The following SOS2 variants were observed in gnomAD, a reference collection of about 807,000 sequenced individuals.
SOS2 encodes son of sevenless homolog 2.
In SOS2, 65 loss-of-function variants were observed where a neutral mutation model predicts 148.2. That is an observed-to-expected ratio of 0.44 (90% confidence interval 0.36 to 0.54). The LOEUF is 0.54. Among genes scored for constraint, SOS2 ranks in the 20% least tolerant of loss-of-function variants. The pLI is 0.00. For synonymous variants in SOS2, 539 were observed against 537.1 expected (o/e 1.00, Z -0.05); for missense variants, 1,341 against 1,590.2 (o/e 0.84, Z 2.67).
At chr14:50,204,167 T>C (rs531809409) in intron 2 of SOS2, 117 bp downstream of exon 2, 90 of 586,934 alleles carry the variant, frequency 1.5e-4, no homozygotes, top group African/African-American at 1.5e-3. Context: ...ACTGACCATA[T>C]ATATCATACA....
chr14:50,194,838 C>T (rs111763768), intron 4 of SOS2, among the ~76,000 whole-genome samples: 5 of 149,750 alleles, frequency 3.3e-5, no homozygotes, highest in African/African-American at 1.2e-4. Context: ...TCACCCAGGC[C>T]GGAGTGCAGT....
In SOS2 at chr14:50,174,528, C is replaced by A; in HGVS notation, c.994G>T (p.Ala332Ser). The A allele has an allele frequency of 5.0e-6, 8 of 1,608,616 alleles. No homozygotes were observed. The highest frequency in any genetic ancestry group is 6.8e-6 in the Non-Finnish European group (8 of 1,176,364). Residue 332 changes from alanine to serine, a missense_variant, in exon 8 of 23, where the codon GCA becomes TCA. Ala to Ser is a moderately conservative substitution (Grantham distance 99). Around this residue, in one of 4 missense-constraint regions of SOS2, gnomAD observed 574 missense variants for 711.1 expected, o/e 0.81. Coordinates refer to ENST00000216373, the MANE Select transcript of SOS2 (RefSeq NM_006939.4). ...AGACGTGGAAGGACATAACGAACTG[C>A]CTCTTTAAAACCATCAGCAATGGAC... ...FQSIADGFKEAVRYVLPRLML... is the reference protein window; with the variant it reads ...FQSIADGFKESVRYVLPRLML...
intron 12 of SOS2, among the ~76,000 whole-genome samples, 160 bp from the exon 13 acceptor site, chr14:50,153,333 CAA>C (rs1278473039): frequency 6.6e-6 from 1 of 152,068 alleles, no homozygotes; most frequent in Non-Finnish European, 1.5e-5. Context: ...GCTTCAATGA[CAA>C]GAGGAGAGTA....
intron 22 of SOS2, 71 bp downstream of exon 22, chr14:50,120,204 C>A: frequency 1.4e-6 from 1 of 727,026 alleles, no homozygotes; most frequent in East Asian, 2.6e-5. Context: ...TTCACAGACT[C>A]TTTATAACAC....
At chr14:50,158,729 C>T (rs2139624423) in intron 10 of SOS2, 83 bp from the exon 11 acceptor site, 1 of 842,212 alleles carries the variant, frequency 1.2e-6, no homozygotes, top group Non-Finnish European at 1.9e-6. Context: ...GGAGGCCTTC[C>T]TCCCTTTTTC....
At chr14:50,227,243 C>CTTTTTTTTTTTTTTTTT (rs374477701) in intron 1 of SOS2, among the ~76,000 whole-genome samples, 30 of 112,650 alleles carry the variant, frequency 2.7e-4, no homozygotes, top group East Asian at 1.3e-3. Context: ...TTCTTTCTTT[C>CTTTTTTTTTTTTTTTTT]TTTCTTTTTT....
intron 1 of SOS2, among the ~76,000 whole-genome samples, chr14:50,212,036 A>G (rs912355672): frequency 6.6e-6 from 1 of 152,234 alleles, no homozygotes; most frequent in African/African-American, 2.4e-5. Context: ...TGTTGGCAGA[A>G]AGAAGCCAGA....
At chr14:50,190,189 T>TA (rs1476001065) in intron 4 of SOS2, among the ~76,000 whole-genome samples, 4 of 151,292 alleles carry the variant, frequency 2.6e-5, no homozygotes, top group Middle Eastern at 3.4e-3. Context: ...TACTTTTTTT[T>TA]AAAAAAAATG....
intron 17 of SOS2, 28 bp from the exon 18 acceptor site, chr14:50,138,812 G>C (rs748859353): frequency 2.3e-5 from 17 of 745,782 alleles, no homozygotes; most frequent in Non-Finnish European, 3.5e-5. Flanking sequence ...AGAATTTAAA[G>C]AAAAGTTATT....
chr14:50,210,594 A>C (rs1886836301), intron 1 of SOS2, among the ~76,000 whole-genome samples: 1 of 152,128 alleles, frequency 6.6e-6, no homozygotes, highest in African/African-American at 2.4e-5. Context: ...TAAGAAAGTA[A>C]AAAGGCAAGT....
At chr14:50,230,792 G>T in intron 1 of SOS2, 2 of 605,318 alleles carry the variant, frequency 3.3e-6, no homozygotes, top group Non-Finnish European at 4.1e-6. Flanking sequence ...CAAGCAAACC[G>T]CCTAGGGGGA....
intron 8 of SOS2, among the ~76,000 whole-genome samples, chr14:50,164,067 G>C (rs374883730): frequency 6.6e-6 from 1 of 152,268 alleles, no homozygotes; most frequent in East Asian, 1.9e-4. Flanking sequence ...TCAGCAGTGA[G>C]ATTTGATAAA....
At chr14:50,120,467 A>G (rs1046531561) in intron 21 of SOS2, 83 bp from the exon 22 acceptor site, 1 of 705,852 alleles carries the variant, frequency 1.4e-6, no homozygotes, top group Non-Finnish European at 2.5e-6. Context: ...TACTTCTACC[A>G]TGGCATTTGT....
At chr14:50,227,310 T>C (rs1887409504) in intron 1 of SOS2, among the ~76,000 whole-genome samples, 1 of 146,506 alleles carries the variant, frequency 6.8e-6, no homozygotes, top group Non-Finnish European at 1.5e-5. Context: ...AGTGGTGCGA[T>C]CTCAGCCCAC....
intron 1 of SOS2, among the ~76,000 whole-genome samples, chr14:50,206,172 T>C (rs1886653207): frequency 6.6e-6 from 1 of 152,228 alleles, no homozygotes; most frequent in African/African-American, 2.4e-5. Context: ...GCTTTTTATG[T>C]TCTTTTGCCA....
intron 14 of SOS2, among the ~76,000 whole-genome samples, 178 bp downstream of exon 14, chr14:50,149,830 A>G (rs565031678): frequency 6.6e-6 from 1 of 152,324 alleles, no homozygotes; most frequent in East Asian, 1.9e-4. Flanking sequence ...CAGTCTAGAC[A>G]TAAGACTTTT....
intron 16 of SOS2, among the ~76,000 whole-genome samples, chr14:50,143,132 T>G (rs1884348225): frequency 6.6e-6 from 1 of 152,116 alleles, no homozygotes; most frequent in African/African-American, 2.4e-5. Context: ...AGTCTAAGTT[T>G]TAATATCTTT....
At chr14:50,197,865 AT>A (rs1160855301) in intron 4 of SOS2, among the ~76,000 whole-genome samples, 1 of 151,418 alleles carries the variant, frequency 6.6e-6, no homozygotes, top group African/African-American at 2.4e-5. Flanking sequence ...CTTTTTTTGT[AT>A]TTTTAGTAGA....
rs7149845 is a variant in SOS2 at position 50,186,621 on chromosome 14, A to T, written c.714+1876T>A. Among the ~76,000 whole-genome samples, 812 of 97,128 alleles carry T rather than the reference A, an allele frequency of 8.4e-3. 4 individuals are homozygous for T. The highest frequency in any genetic ancestry group is 0.045 in the African/African-American group (658 of 14,782). 63.7% of individuals were successfully genotyped at this position (97,128 alleles called of 152,430 possible). On this transcript the variant is annotated intron_variant, in intron 5 of 22. Coordinates refer to ENST00000216373, the MANE Select transcript of SOS2 (RefSeq NM_006939.4). ...CATAGCAAGACCCCCATCTATATTT[A>T]AAAAAAAAAAAAAAAAGTCAATCTC...
Sources: allele counts gnomAD v4.1 joint callset (sites outside exome capture counted in the v4.1 genomes callset), GRCh38; gene constraint gnomAD v4.1.1; regional missense constraint gnomAD v4.1.1; transcripts MANE v1.5; gene names NCBI Gene and HGNC (gene_info 2026-07-23, HGNC 2026-07-21).